PTPRU: variants seen among roughly 807,000 people sequenced by gnomAD.
The protein encoded by PTPRU is protein tyrosine phosphatase receptor type U.
PTPRU carries 69 observed loss-of-function variants against 166.3 expected under a neutral mutation model. The ratio of observed to expected loss-of-function variants is 0.41; its 90% confidence interval spans 0.34 to 0.51. The LOEUF is 0.51. Ranked by LOEUF, PTPRU falls within the 20% of genes least tolerant of loss-of-function variation. The probability of loss-of-function intolerance (pLI) is 0.09; values close to 1 mark genes in which losing one functional copy is unlikely to be tolerated. For synonymous variants in PTPRU, 793 were observed against 814.0 expected, an observed-to-expected ratio of 0.97 and a Z score of 0.44; for missense variants, 1,657 against 2,013.7, an observed-to-expected ratio of 0.82 and a Z score of 3.39.
intron 1 of PTPRU, among the ~76,000 whole-genome samples, chr1:29,248,332 A>G (rs1416707742): frequency 6.6e-6 from 1 of 152,046 alleles, no homozygotes; most frequent in East Asian, 1.9e-4. Context: ...TAGGCAAGAA[A>G]GTCAGGGGTG....
At chr1:29,250,575 C>T (rs1286393654) in intron 1 of PTPRU, among the ~76,000 whole-genome samples, 5 of 152,190 alleles carry the variant, frequency 3.3e-5, no homozygotes, top group African/African-American at 1.2e-4. Flanking sequence ...GATTCACCGG[C>T]TCAGGTGGTC....
At chr1:29,259,240 G>A in intron 3 of PTPRU, 21 bp from the exon 4 acceptor site, 2 of 1,606,708 alleles carry the variant, frequency 1.2e-6, no homozygotes, top group Non-Finnish European at 1.7e-6. Context: ...AGTATGATAG[G>A]GGCCCTCCCG....
chr1:29,323,778 G>A lies in PTPRU; in HGVS notation c.4102G>A (p.Val1368Met). Reference sequence around the variant, plus strand: ...CGAGAGTGGGGATGGGCGCACCATCGTGCACTGCCTGTGAGTACCTGCCCT... The same window carrying A: ...CGAGAGTGGGGATGGGCGCACCATCATGCACTGCCTGTGAGTACCTGCCCT... ...QAESGDGRTIVHCLNGGGRSG... is the reference protein window; with the variant it reads ...QAESGDGRTIMHCLNGGGRSG... The change falls in exon 28 of 30, where the codon GTG becomes ATG. Residue 1368 changes from valine to methionine, a missense_variant. Coordinates refer to ENST00000373779, the MANE Select transcript of PTPRU (RefSeq NM_133178.4). 6.2e-7 allele frequency: 1 copy of A among 1,614,116 alleles called. No individual in the cohort carries two copies. The highest frequency in any genetic ancestry group is 8.5e-7 in the Non-Finnish European group (1 of 1,179,980).
intron 14 of PTPRU, among the ~76,000 whole-genome samples, chr1:29,286,217 C>T (rs1686341099): frequency 6.6e-6 from 1 of 152,120 alleles, no homozygotes; most frequent in South Asian, 2.1e-4. Flanking sequence ...TCTGATTTTT[C>T]CCCTCGTTGT....
At position 29,282,964 on chromosome 1, in the gene PTPRU, A is replaced by T; in HGVS notation, c.2142+15A>T. On this transcript the variant is annotated intron_variant, in intron 12 of 29. Coordinates refer to ENST00000373779, the MANE Select transcript of PTPRU (RefSeq NM_133178.4). ...ACCTGAAGGGGGTGAGGGACCGGCC[A>T]GGGTCATGGTGGGCGTGGTTGGGTG... 6.2e-7 allele frequency: 1 copy of T among 1,607,846 alleles called. No individual in the cohort carries two copies. Among genetic ancestry groups the T allele is most frequent in the Non-Finnish European group, 8.5e-7 (1 of 1,178,832 alleles).
intron 7 of PTPRU, among the ~76,000 whole-genome samples, chr1:29,266,895 A>G (rs983895435): frequency 2.0e-5 from 3 of 152,146 alleles, no homozygotes; most frequent in African/African-American, 7.2e-5. Context: ...ATCCACTTAC[A>G]TAGATTTTTT....
Position 29,323,622 on chromosome 1 carries a change from T to G in PTPRU, c.3955-9T>G. On this transcript the variant is annotated splice_polypyrimidine_tract_variant and intron_variant, in intron 27 of 29. Transcript: ENST00000373779. ...CATGTCCTCCCTGGCTGGCTGCCCCTGTCCCCAGTTGCAGGAGGGGCACCT... is the reference window on the plus strand; with the variant it reads ...CATGTCCTCCCTGGCTGGCTGCCCCGGTCCCCAGTTGCAGGAGGGGCACCT... 1 of 1,613,862 alleles carries G rather than the reference T, an allele frequency of 6.2e-7. No homozygotes were observed. The highest frequency in any genetic ancestry group is 8.5e-7 in the Non-Finnish European group (1 of 1,179,884).
intron 26 of PTPRU, among the ~76,000 whole-genome samples, chr1:29,322,235 C>T (rs1688191730): frequency 6.6e-6 from 1 of 152,204 alleles, no homozygotes; most frequent in African/African-American, 2.4e-5. Flanking sequence ...ATTTGCTCAT[C>T]TGCTCAACCA....
chr1:29,276,877 A>C (rs1205539424), intron 8 of PTPRU, among the ~76,000 whole-genome samples: 1 of 152,146 alleles, frequency 6.6e-6, no homozygotes, highest in Non-Finnish European at 1.5e-5. Flanking sequence ...TAGATCATTA[A>C]TACTGAGCCC....
chr1:29,323,854 G>A (rs753693678), intron 28 of PTPRU, 66 bp downstream of exon 28: 1 of 1,565,392 alleles, frequency 6.4e-7, no homozygotes, highest in Non-Finnish European at 8.7e-7. Context: ...GGTCCAGTCT[G>A]AAAGGGTGCC....
intron 1 of PTPRU, among the ~76,000 whole-genome samples, chr1:29,248,723 CACAT>C (rs1380910910): frequency 6.6e-6 from 1 of 152,132 alleles, no homozygotes; most frequent in African/African-American, 2.4e-5. Flanking sequence ...TTCACACTGA[CACAT>C]ACACGTATGC....
intron 7 of PTPRU, among the ~76,000 whole-genome samples, chr1:29,266,610 C>A (rs1011083176): frequency 6.6e-6 from 1 of 152,136 alleles, no homozygotes; most frequent in Non-Finnish European, 1.5e-5. Flanking sequence ...CCTTTCTGAG[C>A]TTCAGTCCCC....
chr1:29,312,469 C>T, intron 21 of PTPRU, 83 bp from the exon 22 acceptor site: 1 of 1,301,892 alleles, frequency 7.7e-7, no homozygotes, highest in African/African-American at 1.5e-5. Context: ...GAGATGCTTA[C>T]TGCAGTGCCT....
In PTPRU at chr1:29,273,807, C is replaced by T. The variant is rs1333179540; in HGVS notation, c.1145-1641C>T. 2.6e-5 allele frequency among the ~76,000 whole-genome samples: 4 copies of T among 152,136 alleles called. No homozygotes were observed. The East Asian group carries it at 7.7e-4, about 29-fold the overall frequency. ...CCCTTCTGCTGGGGTAGCTCGCTCTCTCCTGAGGCATCAGTGAATTCCTAT... is the reference window on the plus strand; with the variant it reads ...CCCTTCTGCTGGGGTAGCTCGCTCTTTCCTGAGGCATCAGTGAATTCCTAT... On this transcript the variant is annotated intron_variant, in intron 7 of 29. Transcript: ENST00000373779.
At position 29,325,263 on chromosome 1, in the gene PTPRU, G is replaced by A; in HGVS notation, c.4185G>A (p.Leu1395=). The stretch of plus-strand genomic sequence containing the variant: ...TGGAGATGATCCGCTGCCACAACTT[G>A]GTGGACGTTTTCTTTGCTGCCAAAA... ...TVLEMIRCHN[L]VDVFFAAKTL... is the part of the protein sequence containing the mutation. The change falls in exon 29 of 30, where the codon TTG becomes TTA. Residue 1395 remains leucine, a synonymous_variant. Coordinates refer to ENST00000373779, the MANE Select transcript of PTPRU (RefSeq NM_133178.4). 1 of 1,614,180 alleles carries A rather than the reference G, an allele frequency of 6.2e-7. No individual in the cohort carries two copies. The highest frequency in any genetic ancestry group is 8.5e-7 in the Non-Finnish European group (1 of 1,180,022).
At chr1:29,242,707 C>T (rs1291161199) in intron 1 of PTPRU, among the ~76,000 whole-genome samples, 2 of 152,098 alleles carry the variant, frequency 1.3e-5, no homozygotes, top group African/African-American at 2.4e-5. Context: ...AGGCGGCCTG[C>T]AGCACCTTCA....
At chr1:29,276,880 C>T (rs1286076983) in intron 8 of PTPRU, among the ~76,000 whole-genome samples, 1 of 152,134 alleles carries the variant, frequency 6.6e-6, no homozygotes, top group Non-Finnish European at 1.5e-5. Flanking sequence ...ATCATTAATA[C>T]TGAGCCCTTC....
rs370746849 is a variant in PTPRU at position 29,283,959 on chromosome 1, T to C, written c.2162T>C (p.Ile721Thr). ...CTCCAGGAGACCCGGCTGAATTGCA[T>C]CCGCATTGCCAGGAAAGGTAAGTCC... ...HLKGETRLNCIRIARKAACKE... is the reference protein window; with the variant it reads ...HLKGETRLNCTRIARKAACKE... The change falls in exon 13 of 30, where the codon ATC (isoleucine) becomes ACC (threonine). Residue 721 changes from isoleucine (I) to threonine (T), a missense_variant. Transcript: ENST00000373779. 2.7e-5 allele frequency: 43 copies of C among 1,613,744 alleles called. No individual in the cohort carries two copies. Among genetic ancestry groups the C allele is most frequent in the Non-Finnish European group, 3.5e-5 (41 of 1,180,040 alleles).
intron 18 of PTPRU, chr1:29,305,724 G>A: frequency 1.8e-6 from 1 of 562,428 alleles, no homozygotes; most frequent in Admixed American, 2.2e-5. Context: ...GAGGCATGGA[G>A]AATGGGATTC....
Sources: allele counts gnomAD v4.1 joint callset (sites outside exome capture counted in the v4.1 genomes callset), GRCh38; gene constraint gnomAD v4.1.1; transcripts MANE v1.5; gene names NCBI Gene and HGNC (gene_info 2026-07-23, HGNC 2026-07-21).